The following WWC1 variants were observed in gnomAD, a reference collection of about 807,000 sequenced individuals.
WWC1 encodes protein KIBRA.
WWC1 carries 55 observed loss-of-function variants against 138.4 expected under a neutral mutation model. The observed-to-expected ratio is 0.40, with a 90% CI of 0.32 to 0.50. WWC1 has a LOEUF of 0.50. Ranked by LOEUF, WWC1 falls within the 20% of genes least tolerant of loss-of-function variation. The pLI is 0.72. For synonymous variants in WWC1, 524 were observed against 564.9 expected (o/e 0.93, Z 1.03); for missense variants, 1,226 against 1,420.4 (o/e 0.86, Z 2.20).
At chr5:168,388,735 C>A (rs1429763581) in intron 3 of WWC1, among the ~76,000 whole-genome samples, 1 of 151,762 alleles carries the variant, frequency 6.6e-6, no homozygotes, top group Non-Finnish European at 1.5e-5. Context: ...GAGGCTGAGG[C>A]AGGAGAATTG....
intron 19 of WWC1, among the ~76,000 whole-genome samples, chr5:168,458,811 T>G (rs868700502): frequency 3.3e-5 from 5 of 152,226 alleles, no homozygotes; most frequent in Admixed American, 2.0e-4. Flanking sequence ...GAAAGCTAAA[T>G]TCAAGGACTT....
chr5:168,326,836 C>A (rs1016661562), intron 1 of WWC1, among the ~76,000 whole-genome samples: 4 of 152,228 alleles, frequency 2.6e-5, no homozygotes, highest in Admixed American at 1.3e-4. Context: ...CCGTGCCCGG[C>A]CGGACCGGAT....
intron 19 of WWC1, among the ~76,000 whole-genome samples, chr5:168,457,425 C>CTG (rs1296817745): frequency 1.3e-5 from 2 of 152,204 alleles, no homozygotes; most frequent in African/African-American, 4.8e-5. Context: ...TGGGGCTGTG[C>CTG]TGTGCCTCCA....
At chr5:168,414,910 T>C in intron 9 of WWC1, 1 of 294,638 alleles carries the variant, frequency 3.4e-6, no homozygotes, top group Admixed American at 4.8e-5. Flanking sequence ...TTCCAACTTT[T>C]TGACAGTGAT....
At chr5:168,360,784 G>C (rs926691556) in intron 1 of WWC1, among the ~76,000 whole-genome samples, 5 of 152,222 alleles carry the variant, frequency 3.3e-5, no homozygotes, top group Admixed American at 2.6e-4. Flanking sequence ...AAGTCTTCAC[G>C]GTCAATTCCA....
intron 1 of WWC1, among the ~76,000 whole-genome samples, chr5:168,352,892 A>G (rs1775094845): frequency 6.6e-6 from 1 of 152,186 alleles, no homozygotes; most frequent in Middle Eastern, 3.4e-3. Context: ...CCTGGATAAT[A>G]ATTTTCAATT....
At chr5:168,406,119 G>A in intron 5 of WWC1, 79 bp from the exon 6 acceptor site, 3 of 1,547,582 alleles carry the variant, frequency 1.9e-6, no homozygotes, top group Admixed American at 3.7e-5. Flanking sequence ...CTGAAGTCCT[G>A]TGGTCTGTGC....
chr5:168,385,471 G>A, intron 3 of WWC1, 57 bp downstream of exon 3: 2 of 1,555,840 alleles, frequency 1.3e-6, no homozygotes, highest in Non-Finnish European at 1.8e-6. Context: ...TGGCCACACT[G>A]AGTTCTGCCA....
At chr5:168,418,495 G>A (rs1233796974) in intron 9 of WWC1, among the ~76,000 whole-genome samples, 1 of 152,162 alleles carries the variant, frequency 6.6e-6, no homozygotes, top group Non-Finnish European at 1.5e-5. Flanking sequence ...CATGCTTGAT[G>A]CGTTCTTGGC....
chr5:168,390,754 C>T lies in WWC1; in HGVS notation c.433+5340C>T, dbSNP rs147761946. Reference sequence around the variant, plus strand: ...GGCTGCTCTGGGTCCCAGACACAGACGGGGCCCTGCCTTGGGGGTGGAGAC... The same window carrying T: ...GGCTGCTCTGGGTCCCAGACACAGATGGGGCCCTGCCTTGGGGGTGGAGAC... On this transcript the variant is annotated intron_variant, in intron 3 of 22. Transcript: ENST00000265293. 7.9e-5 allele frequency among the ~76,000 whole-genome samples: 12 copies of T among 152,354 alleles called. No individual in the cohort carries two copies. In the East Asian group the frequency reaches 1.2e-3, roughly 15 times the overall value.
intron 3 of WWC1, among the ~76,000 whole-genome samples, chr5:168,396,962 T>G (rs1428306850): frequency 1.3e-5 from 2 of 151,426 alleles, no homozygotes; most frequent in Non-Finnish European, 2.9e-5. Flanking sequence ...CTTTTATTTT[T>G]TTCTGATTGT....
At chr5:168,353,853 CT>C (rs777683327) in intron 1 of WWC1, among the ~76,000 whole-genome samples, 44 of 152,184 alleles carry the variant, frequency 2.9e-4, no homozygotes, top group Non-Finnish European at 5.4e-4. Flanking sequence ...TCTGGGAATC[CT>C]GTGTCGCCTG....
At chr5:168,414,179 A>G in intron 8 of WWC1, 169 bp from the exon 9 acceptor site, 2 of 929,818 alleles carry the variant, frequency 2.2e-6, no homozygotes, top group South Asian at 3.6e-5. Flanking sequence ...CATGGTAGGC[A>G]CCCACATGTG....
Position 168,455,368 on chromosome 5 carries a change from A to T in WWC1, c.2671A>T (p.Thr891Ser). 4 of 1,576,702 alleles carry T rather than the reference A, an allele frequency of 2.5e-6. No individual in the cohort carries two copies. Among genetic ancestry groups the T allele is most frequent in the Non-Finnish European group, 3.4e-6 (4 of 1,165,244 alleles). ...GYPALKVDKETNTETPAPSPT... is the reference protein window; with the variant it reads ...GYPALKVDKESNTETPAPSPT... ...ACTTCTTCCTCAGGTGGACAAAGAG[A>T]CCAACACGGAGACCCCGGCCCCATC... The change falls in exon 19 of 23, where the codon ACC becomes TCC. Residue 891 changes from threonine to serine, a missense_variant. By Grantham distance (58) the Thr-to-Ser change is moderately conservative. Transcript: ENST00000265293.
chr5:168,325,404 C>T (rs1561611294), intron 1 of WWC1, among the ~76,000 whole-genome samples: 1 of 152,178 alleles, frequency 6.6e-6, no homozygotes, highest in Non-Finnish European at 1.5e-5. Flanking sequence ...TGTCCTAGGA[C>T]ACAGGAGAAG....
chr5:168,342,123 A>G (rs891058780), intron 1 of WWC1, among the ~76,000 whole-genome samples: 4 of 152,182 alleles, frequency 2.6e-5, no homozygotes, highest in Non-Finnish European at 5.9e-5. Context: ...GTTTCAGTGG[A>G]AGTGAATGGG....
intron 1 of WWC1, among the ~76,000 whole-genome samples, chr5:168,362,203 A>C (rs1582038192): frequency 1.3e-5 from 2 of 152,262 alleles, no homozygotes; most frequent in East Asian, 3.8e-4. Flanking sequence ...ACTGTGGGGC[A>C]GGTCTGAATG....
intron 1 of WWC1, among the ~76,000 whole-genome samples, chr5:168,349,887 A>T (rs1322558910): frequency 6.6e-6 from 1 of 152,116 alleles, no homozygotes; most frequent in Non-Finnish European, 1.5e-5. Flanking sequence ...TGTTTCCTCA[A>T]AATAACACTC....
intron 1 of WWC1, among the ~76,000 whole-genome samples, chr5:168,323,513 T>C (rs1772293228): frequency 6.6e-6 from 1 of 151,924 alleles, no homozygotes; most frequent in African/African-American, 2.4e-5. Context: ...TGCCACTGTA[T>C]TCCAGCCTGG....
Sources: gnomAD v4.1 joint callset for allele counts (sites outside exome capture counted in the v4.1 genomes callset) on GRCh38, gnomAD v4.1.1 for gene constraint, MANE v1.5 for transcripts, NCBI Gene and HGNC (gene_info 2026-07-23, HGNC 2026-07-21) for gene names.